Variants in SGMS1 observed in about 807,000 individuals in gnomAD.
SGMS1 encodes the protein sphingomyelin synthase 1.
A neutral mutation model predicts 46.2 loss-of-function variants in SGMS1; 13 were observed. That is an observed-to-expected ratio of 0.28 (90% CI 0.18 to 0.45). The LOEUF is 0.45. Among genes scored for constraint, SGMS1 ranks in the 20% least tolerant of loss-of-function variants. SGMS1 has a pLI of 1.00. For synonymous variants in SGMS1, 203 were observed against 187.8 expected (o/e 1.08, Z -0.66); for missense variants, 324 against 519.9 (o/e 0.62, Z 3.66).
chr10:50,379,478 A>G (rs538991134), intron 6 of SGMS1, among the ~76,000 whole-genome samples: 1 of 152,250 alleles, frequency 6.6e-6, no homozygotes, highest in Non-Finnish European at 1.5e-5. Flanking sequence ...ATGTAAGCAT[A>G]AAACATCTAG....
At chr10:50,454,050 C>CAAAAAAAAAAAAAAAAAAAA (rs71846628) in intron 5 of SGMS1, among the ~76,000 whole-genome samples, 41 of 97,970 alleles carry the variant, frequency 4.2e-4, no homozygotes, top group Admixed American at 7.0e-4. Flanking sequence ...TTTACATAGG[C>CAAAAAAAAAAAAAAAAAAAA]AAAAAAAAAA....
At chr10:50,342,432 A>C (rs1450757580) in intron 7 of SGMS1, 1 of 152,244 alleles carries the variant, frequency 6.6e-6, no homozygotes, top group Non-Finnish European at 1.5e-5. Context: ...AAGACCGTCC[A>C]TCCCTGGGAA....
chr10:50,624,466 C>T (rs899982383), upstream of SGMS1: 3 of 510,174 alleles, frequency 5.9e-6, no homozygotes, highest in Non-Finnish European at 7.6e-6. Context: ...AACCTCTAAC[C>T]ATAGACTCTC....
chr10:50,579,253 A>C (rs886681356), intron 2 of SGMS1, among the ~76,000 whole-genome samples: 3 of 152,204 alleles, frequency 2.0e-5, no homozygotes, highest in Non-Finnish European at 2.9e-5. Context: ...GCTAAAAAGC[A>C]GATGCGGAAA....
intron 3 of SGMS1, among the ~76,000 whole-genome samples, chr10:50,502,396 G>A (rs1430021376): frequency 6.6e-6 from 1 of 151,464 alleles, no homozygotes; most frequent in African/African-American, 2.4e-5. Flanking sequence ...TCCGAGGGAA[G>A]TAAGGGAGAG....
chr10:50,395,662 C>T (rs761173648), intron 6 of SGMS1, among the ~76,000 whole-genome samples: 3 of 152,126 alleles, frequency 2.0e-5, no homozygotes, highest in Non-Finnish European at 4.4e-5. Context: ...AACAGTCTTA[C>T]CAAAAGATTG....
intron 1 of SGMS1, 133 bp downstream of exon 1, chr10:50,623,574 G>A (rs974617950): frequency 3.0e-6 from 3 of 984,930 alleles, no homozygotes; most frequent in African/African-American, 1.7e-5. Flanking sequence ...CACCGCGCGG[G>A]CTGCGCTCAC....
At chr10:50,454,511 A>G (rs1314464790) in intron 5 of SGMS1, among the ~76,000 whole-genome samples, 1 of 152,166 alleles carries the variant, frequency 6.6e-6, no homozygotes, top group Non-Finnish European at 1.5e-5. Context: ...AGAATCAGTG[A>G]GGCTTAGTGA....
chr10:50,470,338 G>A (rs1296854155), intron 3 of SGMS1, among the ~76,000 whole-genome samples: 3 of 152,100 alleles, frequency 2.0e-5, no homozygotes, highest in African/African-American at 4.8e-5. Flanking sequence ...ATCTAAAGTA[G>A]AAAGTTTGTG....
In SGMS1 at chr10:50,522,273, C is replaced by T. The variant is rs367979215; in HGVS notation, c.-588-2352G>A. On this transcript the variant is annotated intron_variant, in intron 2 of 10. Coordinates refer to ENST00000361781, the MANE Select transcript of SGMS1 (RefSeq NM_147156.4). The stretch of plus-strand genomic sequence containing the variant: ...CAAGCTGGCTCCTTTATCCCTGTGA[C>T]ATACTCCATCTTTTAAAAATATTTT... Among the ~76,000 whole-genome samples, 76 of 152,196 alleles carry T rather than the reference C, an allele frequency of 5.0e-4. No individual in the cohort carries two copies. The South Asian group carries it at 0.016, about 31-fold the overall frequency.
intron 3 of SGMS1, chr10:50,473,852 C>A (rs1376340126): frequency 6.6e-6 from 1 of 152,210 alleles, no homozygotes; most frequent in Non-Finnish European, 1.5e-5. Flanking sequence ...CCCGAAAGAA[C>A]ACTTGACCCA....
At chr10:50,312,735 T>C (rs1847276759) in intron 8 of SGMS1, among the ~76,000 whole-genome samples, 1 of 152,218 alleles carries the variant, frequency 6.6e-6, no homozygotes, top group South Asian at 2.1e-4. Context: ...TAAAAATATT[T>C]ACCGCTTATA....
chr10:50,562,561 T>G (rs1405978655), intron 2 of SGMS1, among the ~76,000 whole-genome samples: 1 of 152,198 alleles, frequency 6.6e-6, no homozygotes, highest in Non-Finnish European at 1.5e-5. Context: ...ACTCTTTTTT[T>G]GAGACGGAGT....
chr10:50,434,407 A>G lies in SGMS1; in HGVS notation c.-312-851T>C, dbSNP rs1283128553. Among the ~76,000 whole-genome samples the G allele has an allele frequency of 2.0e-5, 3 of 152,176 alleles. No individual in the cohort carries two copies. The East Asian group carries it at 5.8e-4, about 29-fold the overall frequency. The stretch of plus-strand genomic sequence containing the variant: ...AAAACAGGAACCTAAATTAACTTTC[A>G]TCACCTGAGGCCTCAATGTTAATTC... On this transcript the variant is annotated intron_variant, in intron 5 of 10. Transcript: ENST00000361781.
At chr10:50,604,496 T>C (rs1324715778) in intron 1 of SGMS1, among the ~76,000 whole-genome samples, 4 of 152,256 alleles carry the variant, frequency 2.6e-5, no homozygotes, top group Non-Finnish European at 4.4e-5. Flanking sequence ...GTTAGCTCAC[T>C]GCACTTGAAA....
At chr10:50,600,900 G>C (rs1838644061) in intron 1 of SGMS1, among the ~76,000 whole-genome samples, 1 of 152,186 alleles carries the variant, frequency 6.6e-6, no homozygotes, top group Non-Finnish European at 1.5e-5. Flanking sequence ...GCAGGGGTGA[G>C]AGAGTAGAGC....
At chr10:50,543,486 G>A (rs1328454357) in intron 2 of SGMS1, among the ~76,000 whole-genome samples, 2 of 152,238 alleles carry the variant, frequency 1.3e-5, no homozygotes, top group Non-Finnish European at 2.9e-5. Flanking sequence ...TGTGGTAGAG[G>A]TAAAAAAATC....
At chr10:50,599,838 G>T (rs1177652207) in intron 1 of SGMS1, among the ~76,000 whole-genome samples, 3 of 152,102 alleles carry the variant, frequency 2.0e-5, no homozygotes, top group Non-Finnish European at 2.9e-5. Context: ...ACCCCAGCCT[G>T]GGCGACAGAC....
intron 8 of SGMS1, among the ~76,000 whole-genome samples, chr10:50,312,937 C>A (rs1847280701): frequency 6.6e-6 from 1 of 152,178 alleles, no homozygotes; most frequent in South Asian, 2.1e-4. Context: ...ATGAGCCCAA[C>A]AGAATACCCA....
Sources: gnomAD v4.1 joint callset for allele counts (sites outside exome capture counted in the v4.1 genomes callset) on GRCh38, gnomAD v4.1.1 for gene constraint, MANE v1.5 for transcripts, NCBI Gene and HGNC (gene_info 2026-07-23, HGNC 2026-07-21) for gene names.